ASAP2: variants seen among roughly 807,000 people sequenced by gnomAD.
ASAP2 encodes arf-GAP with SH3 domain, ANK repeat and PH domain-containing protein 2.
ASAP2 carries 45 observed loss-of-function variants against 131.4 expected under a neutral mutation model. That is an observed-to-expected ratio of 0.34 (90% CI 0.27 to 0.44). The LOEUF (loss-of-function observed/expected upper bound fraction) is 0.44. Among genes scored for constraint, ASAP2 ranks in the 20% least tolerant of loss-of-function variants. The probability of loss-of-function intolerance (pLI) is 1.00; values close to 1 mark genes in which losing one functional copy is unlikely to be tolerated. For missense variants in ASAP2, 1,011 were observed against 1,297.0 expected (o/e 0.78, Z 3.39); for synonymous variants, 510 against 503.0 (o/e 1.01, Z -0.19).
At position 9,239,152 on chromosome 2, in the gene ASAP2, C is replaced by T. The variant is rs117640178; in HGVS notation, c.126+31922C>T. Among the ~76,000 whole-genome samples the T allele has an allele frequency of 1.2e-3, 176 of 152,254 alleles. 1 individual carries two copies. The East Asian group carries it at 0.026, about 23-fold the overall frequency. ...GTTTAATTTCATCAGATGCTTTTTC[C>T]GCACTGACTGAGATGACCATATGGT... is the stretch of plus-strand genomic sequence containing the variant. On this transcript the variant is annotated intron_variant, in intron 1 of 27. Coordinates refer to ENST00000281419, the MANE Select transcript of ASAP2 (RefSeq NM_003887.3).
At chr2:9,396,219 AC>A (rs1308017299) in intron 24 of ASAP2, among the ~76,000 whole-genome samples, 1 of 152,094 alleles carries the variant, frequency 6.6e-6, no homozygotes, top group Admixed American at 6.5e-5. Context: ...CTTCAGGACT[AC>A]AGATAGGAGC....
chr2:9,206,875 C>A lies in ASAP2; in HGVS notation c.-230C>A. The A allele has an allele frequency of 6.0e-6, 1 of 166,618 alleles. No individual in the cohort carries two copies. Among genetic ancestry groups the A allele is most frequent in the Non-Finnish European group, 1.2e-5 (1 of 84,350 alleles). The allele number at this position is 166,618 out of a possible 1,614,324, so 10.3% of individuals were successfully genotyped here. A position where few individuals can be genotyped will look rare whatever the true frequency, so the allele number is the denominator to read the frequency against. On this transcript the variant is annotated 5_prime_UTR_variant, in exon 1 of 28. Coordinates refer to ENST00000281419, the MANE Select transcript of ASAP2 (RefSeq NM_003887.3). This position sits in a 1 kb window ranked among gnomAD's most constrained non-coding sequence, Gnocchi z 4.0. ...TCTGAGAGGACGCGGCGGCAGCGGA[C>A]TCGGAGCCCTCGGCGCGCAGGCGGG...
At chr2:9,271,690 G>T in intron 1 of ASAP2, 1 of 536,446 alleles carries the variant, frequency 1.9e-6, no homozygotes, top group Non-Finnish European at 3.1e-6. Flanking sequence ...AGAGGGTACG[G>T]AAAGTAGGGA....
Position 9,403,581 on chromosome 2 carries a change from T to C in ASAP2, c.*254T>C. On this transcript the variant is annotated 3_prime_UTR_variant, in exon 28 of 28. Coordinates refer to ENST00000281419, the MANE Select transcript of ASAP2 (RefSeq NM_003887.3). ...CCCAACAGGTGAACTGAAAAGTTAT[T>C]TTAACTATTATACATAATCAAGATC... 1 of 487,820 alleles carries C rather than the reference T, an allele frequency of 2.0e-6. No individual in the cohort carries two copies. Among genetic ancestry groups the C allele is most frequent in the Non-Finnish European group, 3.6e-6 (1 of 275,370 alleles). The allele number at this position is 487,820 out of a possible 1,614,324, so 30.2% of individuals were successfully genotyped here. A position where few individuals can be genotyped will look rare whatever the true frequency, so the allele number is the denominator to read the frequency against.
At chr2:9,292,020 G>A (rs945562385) in intron 2 of ASAP2, among the ~76,000 whole-genome samples, 1 of 152,096 alleles carries the variant, frequency 6.6e-6, no homozygotes, top group Non-Finnish European at 1.5e-5. Context: ...CAGGAAACCC[G>A]AGTTCTTGTT....
chr2:9,220,087 A>C (rs547065203), intron 1 of ASAP2, among the ~76,000 whole-genome samples: 1 of 152,222 alleles, frequency 6.6e-6, no homozygotes, highest in South Asian at 2.1e-4. Context: ...TGTATGATAC[A>C]TTTTGTTTAT....
intron 1 of ASAP2, among the ~76,000 whole-genome samples, chr2:9,213,941 T>C (rs1661792458): frequency 6.6e-6 from 1 of 152,166 alleles, no homozygotes. Flanking sequence ...CATAGCTGCA[T>C]AGACTGGGGC....
intron 1 of ASAP2, among the ~76,000 whole-genome samples, chr2:9,225,340 A>G (rs1292428998): frequency 6.6e-6 from 1 of 152,166 alleles, no homozygotes; most frequent in South Asian, 2.1e-4. Flanking sequence ...GAGGAACCTT[A>G]AAGACACTTG....
chr2:9,272,266 A>AT (rs888091093), intron 1 of ASAP2, among the ~76,000 whole-genome samples: 1 of 152,172 alleles, frequency 6.6e-6, no homozygotes, highest in African/African-American at 2.4e-5. Flanking sequence ...CTGGGGTGAG[A>AT]TTATATCATT....
chr2:9,322,107 A>G lies in ASAP2; in HGVS notation c.471-1014A>G, dbSNP rs77911357. Among the ~76,000 whole-genome samples, 1,481 of 152,276 alleles carry G rather than the reference A, an allele frequency of 9.7e-3. 28 individuals are homozygous for G. The highest frequency in any genetic ancestry group is 0.034 in the African/African-American group (1,406 of 41,556). On this transcript the variant is annotated intron_variant, in intron 5 of 27. Coordinates refer to ENST00000281419, the MANE Select transcript of ASAP2 (RefSeq NM_003887.3). ...TTCTAGTCCCAGGGACCCTCCAGTC[A>G]CACTCCTTTCCGGATGCATAGACTC... is the stretch of plus-strand genomic sequence containing the variant.
intron 1 of ASAP2, among the ~76,000 whole-genome samples, chr2:9,251,775 G>C (rs1467380006): frequency 6.6e-6 from 1 of 152,060 alleles, no homozygotes; most frequent in Non-Finnish European, 1.5e-5. Flanking sequence ...GACGCAAGGG[G>C]AAGGTGGCTG....
chr2:9,282,122 GA>G (rs1667165600), intron 2 of ASAP2, among the ~76,000 whole-genome samples: 1 of 152,220 alleles, frequency 6.6e-6, no homozygotes. Flanking sequence ...ACAGGGCTGG[GA>G]TTTTAACGTA....
intron 24 of ASAP2, 62 bp from the exon 25 acceptor site, chr2:9,399,961 G>A: frequency 2.0e-6 from 3 of 1,528,956 alleles, no homozygotes; most frequent in African/African-American, 2.7e-5. Context: ...TGATAAAAGG[G>A]GATGAGAAAG....
intron 16 of ASAP2, among the ~76,000 whole-genome samples, chr2:9,369,926 C>T (rs1040402878): frequency 6.6e-6 from 1 of 152,156 alleles, no homozygotes. Context: ...ACTGCAGCAT[C>T]CGCCTCCTGG....
Position 9,388,019 on chromosome 2 carries a change from G to T in ASAP2, c.2131-275G>T, listed in dbSNP as rs1447699294. On this transcript the variant is annotated intron_variant, in intron 21 of 27. Transcript: ENST00000281419. ...CATGATCCAGTCACCTCCTTCCCTCGACAAGTGAAGATTACAATTCGAGGT... is the reference window on the plus strand; with the variant it reads ...CATGATCCAGTCACCTCCTTCCCTCTACAAGTGAAGATTACAATTCGAGGT... Among the ~76,000 whole-genome samples the T allele has an allele frequency of 1.1e-4, 16 of 152,290 alleles. 1 individual carries two copies. In the South Asian group the frequency reaches 2.5e-3, roughly 24 times the overall value.
chr2:9,286,145 C>T (rs541392429), intron 2 of ASAP2, among the ~76,000 whole-genome samples: 125 of 152,128 alleles, frequency 8.2e-4, no homozygotes, highest in Non-Finnish European at 1.9e-4. Context: ...GCCTGTAATC[C>T]TAGCACTTTG....
At chr2:9,271,663 T>C (rs1666406708) in intron 1 of ASAP2, 1 of 731,356 alleles carries the variant, frequency 1.4e-6, no homozygotes, top group Non-Finnish European at 2.1e-6. Context: ...GGAAATGGTC[T>C]GCGGAAGACG....
intron 7 of ASAP2, among the ~76,000 whole-genome samples, chr2:9,332,890 A>G (rs1670939499): frequency 6.6e-6 from 1 of 152,252 alleles, no homozygotes; most frequent in Non-Finnish European, 1.5e-5. Context: ...AAAATACAGG[A>G]ACAAGAGTAT....
chr2:9,396,292 G>A (rs375868345), intron 24 of ASAP2, among the ~76,000 whole-genome samples: 3 of 152,064 alleles, frequency 2.0e-5, no homozygotes, highest in African/African-American at 7.3e-5. Flanking sequence ...TAGGTTGACT[G>A]TGATTTATCT....
Sources: gnomAD v4.1 joint callset for allele counts (sites outside exome capture counted in the v4.1 genomes callset) on GRCh38, gnomAD v4.1.1 for gene constraint, Gnocchi (gnomAD v3.1) non-coding constraint, MANE v1.5 for transcripts, NCBI Gene and HGNC (gene_info 2026-07-23, HGNC 2026-07-21) for gene names.